The following OPCML variants were observed in gnomAD, a reference collection of about 807,000 sequenced individuals.
The protein encoded by OPCML is opioid binding protein/cell adhesion molecule like, also known as opioid-binding protein/cell adhesion molecule.
In OPCML, 13 loss-of-function variants were observed where a neutral mutation model predicts 37.8. The ratio of observed to expected loss-of-function variants is 0.34; its 90% CI spans 0.22 to 0.55. The LOEUF is 0.55. Ranked by LOEUF, OPCML falls within the 20% of genes least tolerant of loss-of-function variation. The pLI is 0.91. For synonymous variants in OPCML, 176 were observed against 168.8 expected, an observed-to-expected ratio of 1.04 and a Z score of -0.33; for missense variants, 341 against 435.6, an observed-to-expected ratio of 0.78 and a Z score of 1.93.
intron 3 of OPCML, among the ~76,000 whole-genome samples, chr11:132,530,960 T>A (rs796736187): frequency 5.9e-5 from 9 of 152,260 alleles, no homozygotes; most frequent in African/African-American, 2.2e-4. Flanking sequence ...TGCCCTGACC[T>A]CTCCCCACAT....
At position 133,319,412 on chromosome 11, in the gene OPCML, T is replaced by C. The variant is rs143935726; in HGVS notation, c.61+212852A>G. ...CCCTTATGAGACAGTAAGAGTCTTC[T>C]TCCGAGGTCCCGACAGGCTCAAATT... On this transcript the variant is annotated intron_variant, in intron 1 of 7. Coordinates refer to ENST00000524381, the MANE Select transcript of OPCML (RefSeq NM_001012393.5). Among the ~76,000 whole-genome samples, 921 of 152,330 alleles carry C rather than the reference T, an allele frequency of 6.0e-3. 15 individuals carry two copies. Among genetic ancestry groups the C allele is most frequent in the African/African-American group, 0.021 (888 of 41,578 alleles).
chr11:132,463,926 C>G (rs1223720629), intron 4 of OPCML, among the ~76,000 whole-genome samples: 1 of 152,196 alleles, frequency 6.6e-6, no homozygotes, highest in African/African-American at 2.4e-5. Flanking sequence ...GCCATGTAGT[C>G]TTGGGCAAGT....
intron 3 of OPCML, among the ~76,000 whole-genome samples, chr11:132,603,997 G>A (rs1351474446): frequency 6.6e-6 from 1 of 152,134 alleles, no homozygotes; most frequent in Admixed American, 6.5e-5. Context: ...TAATCCACAA[G>A]AAAGCCAACT....
intron 1 of OPCML, among the ~76,000 whole-genome samples, chr11:133,403,346 G>A (rs1338149852): frequency 1.3e-5 from 2 of 152,118 alleles, no homozygotes; most frequent in Non-Finnish European, 2.9e-5. Flanking sequence ...CCCCTTCCTA[G>A]TATAGTACTT....
intron 4 of OPCML, among the ~76,000 whole-genome samples, chr11:132,449,959 T>C (rs1256786179): frequency 1.3e-5 from 2 of 152,142 alleles, no homozygotes; most frequent in African/African-American, 4.8e-5. Flanking sequence ...GCTCGGAGCT[T>C]CTAGGAAGTG....
intron 4 of OPCML, among the ~76,000 whole-genome samples, chr11:132,497,000 G>A (rs1008520137): frequency 6.6e-6 from 1 of 152,102 alleles, no homozygotes; most frequent in Non-Finnish European, 1.5e-5. Flanking sequence ...GTGTGTGTCA[G>A]TATGTCTCTG....
intron 1 of OPCML, among the ~76,000 whole-genome samples, chr11:133,359,540 T>C (rs1435388980): frequency 6.7e-6 from 1 of 149,530 alleles, no homozygotes; most frequent in Non-Finnish European, 1.5e-5. Context: ...CGAGGCAGAG[T>C]CACCAAAGTC....
intron 1 of OPCML, among the ~76,000 whole-genome samples, chr11:133,303,927 A>C (rs1460100252): frequency 6.6e-6 from 1 of 152,230 alleles, no homozygotes; most frequent in Non-Finnish European, 1.5e-5. Flanking sequence ...CCTGAAAACT[A>C]TACTGCTATC....
At chr11:133,059,276 GATCTGCGGA>G (rs1948296658) in intron 1 of OPCML, among the ~76,000 whole-genome samples, 1 of 152,198 alleles carries the variant, frequency 6.6e-6, no homozygotes, top group Admixed American at 6.5e-5. Context: ...GTACTCAAAG[GATCTGCGGA>G]TTCTTTCATC....
intron 1 of OPCML, among the ~76,000 whole-genome samples, chr11:133,191,500 T>A (rs1193169726): frequency 8.1e-6 from 1 of 123,586 alleles, no homozygotes; most frequent in South Asian, 2.5e-4. Flanking sequence ...TTTCTGTGTG[T>A]GTGGGTGTGT....
intron 1 of OPCML, among the ~76,000 whole-genome samples, chr11:133,353,583 T>A (rs899523855): frequency 6.6e-6 from 1 of 152,214 alleles, no homozygotes; most frequent in Non-Finnish European, 1.5e-5. Context: ...GGGAAAGGAA[T>A]CAGTCTGTTC....
intron 2 of OPCML, among the ~76,000 whole-genome samples, chr11:132,787,607 T>G (rs1300508132): frequency 1.3e-5 from 2 of 152,188 alleles, no homozygotes; most frequent in Non-Finnish European, 2.9e-5. Context: ...ATGCAAGCTT[T>G]ACATAGTCCC....
chr11:132,507,119 A>G (rs2096258857), intron 4 of OPCML, among the ~76,000 whole-genome samples: 1 of 151,776 alleles, frequency 6.6e-6, no homozygotes, highest in Admixed American at 6.6e-5. Flanking sequence ...TAAAAAAAAA[A>G]AAAATTATAC....
chr11:132,668,045 G>A (rs1321499138), intron 2 of OPCML, among the ~76,000 whole-genome samples: 1 of 152,198 alleles, frequency 6.6e-6, no homozygotes, highest in African/African-American at 2.4e-5. Context: ...GAAGATAGGA[G>A]GGGCTGACGG....
At chr11:132,906,324 TTAAA>T (rs1249362608) in intron 2 of OPCML, among the ~76,000 whole-genome samples, 4 of 152,242 alleles carry the variant, frequency 2.6e-5, no homozygotes, top group Admixed American at 1.3e-4. Flanking sequence ...TTAAAACATC[TTAAA>T]TAAATCTTTA....
At chr11:132,914,003 C>G (rs1297751134) in intron 2 of OPCML, among the ~76,000 whole-genome samples, 1 of 152,208 alleles carries the variant, frequency 6.6e-6, no homozygotes, top group Admixed American at 6.5e-5. Context: ...TAATTACATC[C>G]ACTTGGAGTG....
chr11:132,985,235 G>A lies in OPCML; in HGVS notation c.62-42225C>T, dbSNP rs566374160. ...GTTTCTGTGAGTAGGAGTTAGTAAG[G>A]CACTCTACTCAGGACATCACCAGGC... On this transcript the variant is annotated intron_variant, in intron 1 of 7. Transcript: ENST00000524381. Among the ~76,000 whole-genome samples the A allele has an allele frequency of 2.6e-5, 4 of 152,252 alleles. No homozygotes were observed. In the South Asian group the frequency reaches 8.3e-4, roughly 32 times the overall value.
At position 132,948,054 on chromosome 11, in the gene OPCML, ATC is replaced by A. The variant is rs1430604494; in HGVS notation, c.62-5046_62-5045del. On this transcript the variant is annotated intron_variant, in intron 1 of 7. Coordinates refer to ENST00000524381, the MANE Select transcript of OPCML (RefSeq NM_001012393.5). ...TTGTCTGTTCAGATGCTGACTTGTCATCTCTCTAGCTGCCTGGCTGGTACCCA... is the reference window on the plus strand; with the variant it reads ...TTGTCTGTTCAGATGCTGACTTGTCATCTCTAGCTGCCTGGCTGGTACCCA... 2.0e-5 allele frequency among the ~76,000 whole-genome samples: 3 copies of A among 152,312 alleles called. No individual in the cohort carries two copies. In the East Asian group the frequency reaches 5.8e-4, roughly 29 times the overall value.
chr11:132,912,362 C>G, intron 2 of OPCML, among the ~76,000 whole-genome samples: 1 of 152,240 alleles, frequency 6.6e-6, no homozygotes, highest in East Asian at 1.9e-4. Context: ...GACCAATATA[C>G]AACTCAATAT....
Sources: gnomAD v4.1 joint callset for allele counts (sites outside exome capture counted in the v4.1 genomes callset) on GRCh38, gnomAD v4.1.1 for gene constraint, MANE v1.5 for transcripts, NCBI Gene and HGNC (gene_info 2026-07-23, HGNC 2026-07-21) for gene names.